ZNF704: variants seen among roughly 807,000 people sequenced by gnomAD.
ZNF704 encodes the protein zinc finger protein 704, also known as glucocorticoid induced gene 1.
A neutral mutation model predicts 44.7 loss-of-function variants in ZNF704; 10 were observed. That is an observed-to-expected ratio of 0.22 (90% CI 0.14 to 0.38). The LOEUF (loss-of-function observed/expected upper bound fraction) is 0.38, where lower values mean the gene tolerates loss of function less well. Among genes scored for constraint, ZNF704 ranks in the 10% least tolerant of loss-of-function variants. ZNF704 has a pLI of 1.00. For synonymous variants in ZNF704, 211 were observed against 207.6 expected, an observed-to-expected ratio of 1.02 and a Z score of -0.14; for missense variants, 390 against 545.5, an observed-to-expected ratio of 0.71 and a Z score of 2.84.
upstream of ZNF704, among the ~76,000 whole-genome samples, chr8:80,878,219 AT>A (rs1208249068): frequency 4.6e-5 from 7 of 151,264 alleles, no homozygotes; most frequent in Non-Finnish European, 7.4e-5. Flanking sequence ...TAACTAAAAC[AT>A]TTTTTTTACA....
chr8:80,657,174 G>C (rs904522332), intron 7 of ZNF704, among the ~76,000 whole-genome samples: 1 of 151,844 alleles, frequency 6.6e-6, no homozygotes, highest in Admixed American at 6.6e-5. Context: ...GCACCTGCTT[G>C]TTTTTTTTAG....
the ZNF704 span, among the ~76,000 whole-genome samples, chr8:80,881,647 G>T: frequency 1.3e-5 from 2 of 152,156 alleles, no homozygotes; most frequent in Admixed American, 1.3e-4. Context: ...AAAAGAATAG[G>T]CAGGGCGCAG....
At position 80,739,213 on chromosome 8, in the gene ZNF704, GA is replaced by G. The variant is rs147780057; in HGVS notation, c.222-46107del. ...ATTTTCTCCAAATCTTGGGCATTTG[GA>G]AGCCCGGATCCCAGGAGAACCACGA... On this transcript the variant is annotated intron_variant, in intron 2 of 8. Transcript: ENST00000327835. 2.4e-4 allele frequency among the ~76,000 whole-genome samples: 37 copies of G among 152,298 alleles called. No individual in the cohort carries two copies. In the East Asian group the frequency reaches 6.9e-3, roughly 29 times the overall value.
intron 2 of ZNF704, among the ~76,000 whole-genome samples, chr8:80,701,226 A>C (rs894334629): frequency 3.3e-5 from 5 of 151,914 alleles, no homozygotes; most frequent in African/African-American, 9.7e-5. Flanking sequence ...GGCCGGGCCC[A>C]TCCTCGGCAC....
At position 80,629,698 on chromosome 8, in the gene ZNF704, T is replaced by C. The variant is rs1817553786; in HGVS notation, c.*11668A>G. 2.6e-5 allele frequency: 4 copies of C among 152,228 alleles called. No individual in the cohort carries two copies. Among genetic ancestry groups the C allele is most frequent in the Admixed American group, 2.6e-4 (4 of 15,280 alleles). 9.4% of individuals were successfully genotyped at this position (152,228 alleles called of 1,614,324 possible). ...TTTTGAAAAAAGATCAATGATTTGC[T>C]TTGCTGGACAATATTTTCATATTTT... On this transcript the variant is annotated 3_prime_UTR_variant, in exon 9 of 9. Transcript: ENST00000327835.
At chr8:80,717,645 C>T (rs1224155052) in intron 2 of ZNF704, among the ~76,000 whole-genome samples, 1 of 152,160 alleles carries the variant, frequency 6.6e-6, no homozygotes, top group Non-Finnish European at 1.5e-5. Context: ...TTTTTAAGTC[C>T]CCTTTCCTAG....
At chr8:80,777,910 C>G (rs111479326) in intron 2 of ZNF704, among the ~76,000 whole-genome samples, 9,121 of 151,750 alleles carry the variant, frequency 0.06, 315 homozygotes, top group Middle Eastern at 0.13. Context: ...GAAAGTAACC[C>G]ACAAATATCA....
Position 80,849,722 on chromosome 8 carries a change from A to G in ZNF704, c.-22+24849T>C, listed in dbSNP as rs145670018. Among the ~76,000 whole-genome samples the G allele has an allele frequency of 2.8e-3, 422 of 152,316 alleles. 3 individuals are homozygous for G. In the Middle Eastern group the frequency reaches 0.054, roughly 20 times the overall value. ...TATCATTTGGATTCTGGCAAGGGTGATGGATTTTCAGGCTCTGTTTACCTG... is the reference window on the plus strand; with the variant it reads ...TATCATTTGGATTCTGGCAAGGGTGGTGGATTTTCAGGCTCTGTTTACCTG... On this transcript the variant is annotated intron_variant, in intron 1 of 8. Coordinates refer to ENST00000327835, the MANE Select transcript of ZNF704 (RefSeq NM_001033723.3).
At chr8:80,758,560 T>A (rs1311616840) in intron 2 of ZNF704, among the ~76,000 whole-genome samples, 1 of 152,174 alleles carries the variant, frequency 6.6e-6, no homozygotes, top group African/African-American at 2.4e-5. Context: ...TGACTCATTT[T>A]AAGAGTTTGC....
chr8:80,732,540 A>G (rs1806599135), intron 2 of ZNF704, among the ~76,000 whole-genome samples: 1 of 152,218 alleles, frequency 6.6e-6, no homozygotes, highest in African/African-American at 2.4e-5. Flanking sequence ...AGCCCTCATC[A>G]AAAGGAACCA....
intron 2 of ZNF704, among the ~76,000 whole-genome samples, chr8:80,697,795 G>A (rs761510159): frequency 2.6e-5 from 4 of 152,178 alleles, no homozygotes; most frequent in Non-Finnish European, 5.9e-5. Flanking sequence ...TGTGTCCTCC[G>A]TGAGGGAGGA....
chr8:80,637,180 A>G lies in ZNF704; in HGVS notation c.*4186T>C, dbSNP rs1438446805. On this transcript the variant is annotated 3_prime_UTR_variant, in exon 9 of 9. Coordinates refer to ENST00000327835, the MANE Select transcript of ZNF704 (RefSeq NM_001033723.3). ...CAAATGTCAGTACTGCCCAGTTCAC[A>G]TAAATTTGTCTTGAAATGATACCAT... 1 of 151,938 alleles carries G rather than the reference A, an allele frequency of 6.6e-6. No individual in the cohort carries two copies. The highest frequency in any genetic ancestry group is 6.6e-5 in the Admixed American group (1 of 15,260). The allele number at this position is 151,938 out of a possible 1,614,324, so 9.4% of individuals were successfully genotyped here.
At position 80,840,110 on chromosome 8, in the gene ZNF704, A is replaced by C. The variant is rs550214433; in HGVS notation, c.-21-18495T>G. On this transcript the variant is annotated intron_variant, in intron 1 of 8. Transcript: ENST00000327835. ...TGAATTAATGTAATTAAGTAAAGAT[A>C]ATATGGCAATGAGGCCAGCCTGCAA... 1.1e-4 allele frequency among the ~76,000 whole-genome samples: 17 copies of C among 152,332 alleles called. No homozygotes were observed. In the East Asian group the frequency reaches 3.1e-3, roughly 28 times the overall value.
At chr8:80,728,148 A>G (rs1172753722) in intron 2 of ZNF704, among the ~76,000 whole-genome samples, 3 of 152,196 alleles carry the variant, frequency 2.0e-5, no homozygotes, top group African/African-American at 7.2e-5. Context: ...AATGTTTTAT[A>G]TATTTTATCT....
Position 80,670,373 on chromosome 8 carries a change from G to A in ZNF704, c.659+130C>T, listed in dbSNP as rs1818260356. ...ATGATCTGCAGTGGCCATCTCTCTAGAGATTAGGAAGACCAAGCCAGCCCA... is the reference window on the plus strand; with the variant it reads ...ATGATCTGCAGTGGCCATCTCTCTAAAGATTAGGAAGACCAAGCCAGCCCA... On this transcript the variant is annotated intron_variant, in intron 5 of 8. Coordinates refer to ENST00000327835, the MANE Select transcript of ZNF704 (RefSeq NM_001033723.3). 6.1e-6 allele frequency: 4 copies of A among 654,602 alleles called. No homozygotes were observed. In the East Asian group the frequency reaches 1.0e-4, roughly 17 times the overall value. The allele number at this position is 654,602 out of a possible 1,614,324, so 40.5% of individuals were successfully genotyped here.
At chr8:80,868,221 G>A (rs1586087346) in intron 1 of ZNF704, among the ~76,000 whole-genome samples, 1 of 152,154 alleles carries the variant, frequency 6.6e-6, no homozygotes, top group Non-Finnish European at 1.5e-5. Context: ...TGGTAGGCAG[G>A]GGAGTAGGGA....
intron 4 of ZNF704, among the ~76,000 whole-genome samples, chr8:80,675,850 A>G (rs139503076): frequency 7.9e-5 from 12 of 152,206 alleles, no homozygotes; most frequent in African/African-American, 2.6e-4. Flanking sequence ...AGGGATAGAG[A>G]TATAAATTTG....
chr8:80,687,416 G>C lies in ZNF704; in HGVS notation c.368C>G (p.Ser123Cys), dbSNP rs1429920857. 6.3e-7 allele frequency: 1 copy of C among 1,597,896 alleles called. No individual in the cohort carries two copies. The highest frequency in any genetic ancestry group is 8.5e-7 in the Non-Finnish European group (1 of 1,174,194). The change falls in exon 4 of 9, where the codon TCC becomes TGC. Residue 123 changes from serine (S) to cysteine (C), a missense_variant. Transcript: ENST00000327835. Reference protein sequence around the residue: ...GSWKEGGCVPSSTSSSGYWSW... With the variant: ...GSWKEGGCVPCSTSSSGYWSW... ...CCAGTAGCCGCTGCTGCTGGTGCTG[G>C]AAGGCACGCAGCCGCCCTCCTTCCA... is the stretch of plus-strand genomic sequence containing the variant.
intron 2 of ZNF704, among the ~76,000 whole-genome samples, chr8:80,744,333 G>C (rs978064293): frequency 6.6e-6 from 1 of 152,052 alleles, no homozygotes; most frequent in African/African-American, 2.4e-5. Context: ...AACATTGAGA[G>C]AAGTACTTCA....
Sources: allele counts gnomAD v4.1 joint callset (sites outside exome capture counted in the v4.1 genomes callset), GRCh38; gene constraint gnomAD v4.1.1; transcripts MANE v1.5; gene names NCBI Gene and HGNC (gene_info 2026-07-23, HGNC 2026-07-21).